The following CCDC122 variants were observed in gnomAD, a reference collection of about 807,000 sequenced individuals.
CCDC122 encodes coiled-coil domain containing 122, also known as coiled-coil domain-containing protein 122.
In CCDC122, 38 loss-of-function variants were observed where a neutral mutation model predicts 37.0. The ratio of observed to expected loss-of-function variants is 1.03; its 90% confidence interval spans 0.79 to 1.35. The LOEUF is 1.35. Ranked by LOEUF, CCDC122 falls within the 40% of genes most tolerant of loss-of-function variation. The pLI is 0.00. For synonymous variants in CCDC122, 83 were observed against 95.6 expected (o/e 0.87, Z 0.77); for missense variants, 305 against 310.0 (o/e 0.98, Z 0.12).
At chr13:43,852,824 A>T (rs1953785906) in intron 6 of CCDC122, among the ~76,000 whole-genome samples, 1 of 151,934 alleles carries the variant, frequency 6.6e-6, no homozygotes, top group Non-Finnish European at 1.5e-5. Flanking sequence ...GAGACTGGGA[A>T]CCAATATTCA....
chr13:43,871,528 ATTC>A (rs1013387433), intron 2 of CCDC122, among the ~76,000 whole-genome samples: 1 of 152,126 alleles, frequency 6.6e-6, no homozygotes, highest in African/African-American at 2.4e-5. Flanking sequence ...AAACCAGGTC[ATTC>A]TTCATCATAA....
intron 6 of CCDC122, among the ~76,000 whole-genome samples, chr13:43,841,595 G>A (rs1392117715): frequency 6.6e-6 from 1 of 152,118 alleles, no homozygotes; most frequent in Non-Finnish European, 1.5e-5. Flanking sequence ...ATGACTGTAT[G>A]ACTTTATTAT....
chr13:43,843,113 C>A (rs972700264), intron 6 of CCDC122, among the ~76,000 whole-genome samples: 1 of 152,034 alleles, frequency 6.6e-6, no homozygotes, highest in African/African-American at 2.4e-5. Flanking sequence ...GGGGAGAAAG[C>A]ATTCAACATT....
chr13:43,849,840 G>C (rs1953665769), intron 6 of CCDC122, among the ~76,000 whole-genome samples: 2 of 152,146 alleles, frequency 1.3e-5, no homozygotes, highest in Non-Finnish European at 1.5e-5. Flanking sequence ...GCTAACTAAG[G>C]AGCCAGGAGT....
rs373088380 is a variant in CCDC122, at chr13:43,837,475, T to C, written c.673-46A>G. On this transcript the variant is annotated intron_variant, in intron 6 of 6. Coordinates refer to ENST00000444614, the MANE Select transcript of CCDC122 (RefSeq NM_144974.5). ...ATCAACAGGGCTTGTGAAGTATAAA[T>C]AGTAAACAGCCATAAATAATATTTT... 11 of 1,540,460 alleles carry C rather than the reference T, an allele frequency of 7.1e-6. No homozygotes were observed. In the African/African-American group the frequency reaches 1.4e-4, roughly 19 times the overall value.
intron 1 of CCDC122, 21 bp from the exon 2 acceptor site, chr13:43,874,948 AG>A (rs1399284944): frequency 5.3e-5 from 8 of 152,252 alleles, no homozygotes; most frequent in Non-Finnish European, 1.0e-4. Context: ...AAGAAAACAG[AG>A]GGTTTGTACT....
chr13:43,829,117 T>C (rs561271374), intron 3 of CCDC122, among the ~76,000 whole-genome samples: 1 of 152,330 alleles, frequency 6.6e-6, no homozygotes, highest in African/African-American at 2.4e-5. Flanking sequence ...TTAAAGTTAC[T>C]ATAAATTTTC....
Position 43,837,424 on chromosome 13 carries a change from T to C in CCDC122, c.678A>G (p.Gln226=), listed in dbSNP as rs753307999. ...HEKLRKEIEV[Q]HKRYDAILKR... ...TAAGAATTGCATCATACCTCTTATG[T>C]TGTACCTATCAAAAGAAGAGCACAC... The change falls in exon 7 of 7, where the codon CAA becomes CAG. Residue 226 remains glutamine (Q), a synonymous_variant. Coordinates refer to ENST00000444614, the MANE Select transcript of CCDC122 (RefSeq NM_144974.5). 1 of 1,611,706 alleles carries C rather than the reference T, an allele frequency of 6.2e-7. No homozygotes were observed. Among genetic ancestry groups the C allele is most frequent in the Admixed American group, 1.7e-5 (1 of 59,488 alleles).
At chr13:43,876,667 T>C (rs1954621248) in intron 1 of CCDC122, among the ~76,000 whole-genome samples, 1 of 152,260 alleles carries the variant, frequency 6.6e-6, no homozygotes, top group Non-Finnish European at 1.5e-5. Flanking sequence ...TGTGTTTGTT[T>C]GCAAACCTGT....
chr13:43,842,890 T>C (rs1953402516), intron 6 of CCDC122, among the ~76,000 whole-genome samples: 1 of 152,120 alleles, frequency 6.6e-6, no homozygotes, highest in Non-Finnish European at 1.5e-5. Flanking sequence ...ATGAGCTTTC[T>C]AAATTCACTT....
intron 6 of CCDC122, among the ~76,000 whole-genome samples, chr13:43,851,469 C>A (rs974499358): frequency 6.6e-6 from 1 of 152,288 alleles, no homozygotes; most frequent in East Asian, 1.9e-4. Flanking sequence ...TGAGCCAACA[C>A]CACCACCAGC....
intron 6 of CCDC122, among the ~76,000 whole-genome samples, chr13:43,846,873 A>G (rs1281957272): frequency 3.9e-5 from 5 of 128,296 alleles, no homozygotes; most frequent in African/African-American, 5.7e-5. Flanking sequence ...GTAAGAATCC[A>G]CAAGACAGTA....
intron 3 of CCDC122, among the ~76,000 whole-genome samples, chr13:43,827,343 A>G (rs934227836): frequency 2.0e-5 from 3 of 152,342 alleles, no homozygotes; most frequent in Non-Finnish European, 4.4e-5. Flanking sequence ...GTTCTTTTAT[A>G]AATCATAAGT....
intron 6 of CCDC122, chr13:43,855,295 A>C (rs1594837375): frequency 6.6e-6 from 1 of 152,070 alleles, no homozygotes; most frequent in East Asian, 1.9e-4. Flanking sequence ...ATACAAAATC[A>C]ATATGCAAAA....
intron 4 of CCDC122, among the ~76,000 whole-genome samples, chr13:43,860,309 GT>G (rs1168257858): frequency 1.3e-5 from 2 of 151,682 alleles, no homozygotes; most frequent in Non-Finnish European, 2.9e-5. Context: ...AAATCTCATT[GT>G]TTTATCTTGA....
rs747786707 is a variant in CCDC122, at chr13:43,828,211, CTG to C, written n.602-4202_602-4201del. Among the ~76,000 whole-genome samples the C allele has an allele frequency of 7.0e-4, 106 of 152,090 alleles. 1 individual carries two copies. The highest frequency in any genetic ancestry group is 1.4e-3 in the Non-Finnish European group (96 of 68,024). ...CAGTGAAGATTAGAGGTAGGAAAGACTGAAGATAGGATATTGGGAGATTTTGA... is the reference window on the plus strand; with the variant it reads ...CAGTGAAGATTAGAGGTAGGAAAGACAAGATAGGATATTGGGAGATTTTGA... On this transcript the variant is annotated intron_variant and non_coding_transcript_variant, in intron 3 of 3. Transcript: ENST00000470137.
chr13:43,873,225 G>A (rs1055622463), intron 2 of CCDC122, among the ~76,000 whole-genome samples: 1 of 151,846 alleles, frequency 6.6e-6, no homozygotes, highest in African/African-American at 2.4e-5. Flanking sequence ...TCCACCTATA[G>A]GCTGACAATT....
chr13:43,827,773 T>C (rs1455807834), intron 3 of CCDC122, among the ~76,000 whole-genome samples: 1 of 152,268 alleles, frequency 6.6e-6, no homozygotes, highest in African/African-American at 2.4e-5. Flanking sequence ...CTCGTTTATA[T>C]GGAGGGATGG....
downstream of CCDC122, among the ~76,000 whole-genome samples, chr13:43,832,258 T>G (rs1953096856): frequency 6.7e-6 from 1 of 149,038 alleles, no homozygotes; most frequent in South Asian, 2.2e-4. Flanking sequence ...TTAGCTTAGT[T>G]AATGAAAAAT....
Sources: gnomAD v4.1 joint callset for allele counts (sites outside exome capture counted in the v4.1 genomes callset) on GRCh38, gnomAD v4.1.1 for gene constraint, MANE v1.5 for transcripts, NCBI Gene and HGNC (gene_info 2026-07-23, HGNC 2026-07-21) for gene names.